Variants in CAMTA1 observed in about 807,000 individuals in gnomAD.
The protein encoded by CAMTA1 is calmodulin binding transcription activator 1, also known as calmodulin-binding transcription activator 1.
A neutral mutation model predicts 170.9 loss-of-function variants in CAMTA1; 27 were observed. That is an observed-to-expected ratio of 0.16 (90% CI 0.12 to 0.22). CAMTA1 has a LOEUF of 0.22. CAMTA1 is among the 10% of genes least tolerant of loss of function. The pLI, the probability that CAMTA1 is intolerant of heterozygous loss-of-function variation, is 1.00. For synonymous variants in CAMTA1, 833 were observed against 891.5 expected (o/e 0.93, Z 1.17); for missense variants, 1,619 against 2,217.2 (o/e 0.73, Z 5.42).
At chr1:6,844,023 A>C (rs1261381290) in intron 3 of CAMTA1, among the ~76,000 whole-genome samples, 1 of 152,114 alleles carries the variant, frequency 6.6e-6, no homozygotes, top group African/African-American at 2.4e-5. Flanking sequence ...CAGCAGTTCT[A>C]CTCCTTATGT....
intron 3 of CAMTA1, among the ~76,000 whole-genome samples, chr1:6,848,094 A>G (rs1032468426): frequency 6.6e-6 from 1 of 151,952 alleles, no homozygotes; most frequent in Non-Finnish European, 1.5e-5. Context: ...TGATCCACCC[A>G]CCTCACCAGT....
chr1:6,981,428 AT>A (rs1218260355), intron 3 of CAMTA1, among the ~76,000 whole-genome samples: 1 of 152,000 alleles, frequency 6.6e-6, no homozygotes, highest in Non-Finnish European at 1.5e-5. Flanking sequence ...TCTAATTCTC[AT>A]TATTATTTTA....
intron 5 of CAMTA1, among the ~76,000 whole-genome samples, chr1:7,413,346 C>G (rs1005432419): frequency 3.9e-5 from 6 of 152,088 alleles, no homozygotes; most frequent in African/African-American, 2.4e-5. Context: ...TTACCTTGGG[C>G]AGTATGGCCA....
intron 11 of CAMTA1, among the ~76,000 whole-genome samples, chr1:7,721,643 TA>T (rs1206779390): frequency 6.6e-6 from 1 of 152,196 alleles, no homozygotes; most frequent in Non-Finnish European, 1.5e-5. Context: ...GGATGGTTGG[TA>T]AAGAACAGTC....
chr1:6,929,360 G>T (rs202196552), intron 3 of CAMTA1, among the ~76,000 whole-genome samples: 2,387 of 142,614 alleles, frequency 0.017, 32 homozygotes, highest in African/African-American at 0.044. Flanking sequence ...TTTTTTTTTT[G>T]TTTGTTTGTT....
At position 7,492,240 on chromosome 1, in the gene CAMTA1, G is replaced by A. The variant is rs74334748; in HGVS notation, c.510+24339G>A. 2.6e-3 allele frequency among the ~76,000 whole-genome samples: 394 copies of A among 152,300 alleles called. 1 individual carries two copies. Among genetic ancestry groups the A allele is most frequent in the African/African-American group, 9.0e-3 (373 of 41,570 alleles). ...TACACTCAGCTTATAGAGTGAAGTCGGCAGAAAGCACAACTTCTCAGTGAA... is the reference window on the plus strand; with the variant it reads ...TACACTCAGCTTATAGAGTGAAGTCAGCAGAAAGCACAACTTCTCAGTGAA... On this transcript the variant is annotated intron_variant, in intron 6 of 22. Coordinates refer to ENST00000303635, the MANE Select transcript of CAMTA1 (RefSeq NM_015215.4).
At chr1:6,956,142 C>T (rs1209731839) in intron 3 of CAMTA1, among the ~76,000 whole-genome samples, 9 of 152,180 alleles carry the variant, frequency 5.9e-5, no homozygotes, top group East Asian at 3.9e-4. Context: ...ATTCTGGCCC[C>T]GGCAGCTCTC....
chr1:7,326,559 A>G (rs979882129), intron 5 of CAMTA1, among the ~76,000 whole-genome samples: 2 of 152,238 alleles, frequency 1.3e-5, no homozygotes, highest in Non-Finnish European at 2.9e-5. Flanking sequence ...ATTTGGACAC[A>G]GATACACAGA....
intron 4 of CAMTA1, among the ~76,000 whole-genome samples, chr1:7,174,387 G>A (rs1019694547): frequency 6.6e-6 from 1 of 152,216 alleles, no homozygotes; most frequent in South Asian, 2.1e-4. Context: ...CAATGGAATT[G>A]TAATCAAATT....
Position 7,665,626 on chromosome 1 carries a change from G to A in CAMTA1, c.2652+427G>A, listed in dbSNP as rs1361541524. Among the ~76,000 whole-genome samples the A allele has an allele frequency of 6.6e-6, 1 of 152,084 alleles. No individual in the cohort carries two copies. Among genetic ancestry groups the A allele is most frequent in the Non-Finnish European group, 1.5e-5 (1 of 68,020 alleles). Reference sequence around the variant, plus strand: ...GCTATTCTGGAGGCTGAGTCCGGAGGAGCACTTGAGCCCAAGAGGTTGAGG... The same window carrying A: ...GCTATTCTGGAGGCTGAGTCCGGAGAAGCACTTGAGCCCAAGAGGTTGAGG... On this transcript the variant is annotated intron_variant, in intron 9 of 22. Transcript: ENST00000303635. The surrounding 1 kb of genome is among the most constrained non-coding windows in gnomAD (Gnocchi z 4.3).
At chr1:7,471,787 T>C (rs557884861) in intron 6 of CAMTA1, among the ~76,000 whole-genome samples, 1 of 152,328 alleles carries the variant, frequency 6.6e-6, no homozygotes, top group Non-Finnish European at 1.5e-5. Context: ...TTTGGGATTT[T>C]CTGATGGTTT....
At chr1:7,629,011 T>C (rs1426437727) in intron 6 of CAMTA1, among the ~76,000 whole-genome samples, 1 of 152,222 alleles carries the variant, frequency 6.6e-6, no homozygotes, top group African/African-American at 2.4e-5. Context: ...ACCTTTGCCC[T>C]ACAGGAGTTC....
At chr1:7,683,255 T>C (rs1365214053) in intron 11 of CAMTA1, among the ~76,000 whole-genome samples, 1 of 151,162 alleles carries the variant, frequency 6.6e-6, no homozygotes, top group African/African-American at 2.4e-5. Context: ...TCCCAGATAA[T>C]GGAAGACAGA....
chr1:7,291,409 A>G (rs1015582705), intron 5 of CAMTA1, among the ~76,000 whole-genome samples: 1 of 152,184 alleles, frequency 6.6e-6, no homozygotes, highest in African/African-American at 2.4e-5. Flanking sequence ...GTCATCTGAA[A>G]TGGAATTTCA....
In CAMTA1 at chr1:7,565,157, C is replaced by T. The variant is rs1188275454; in HGVS notation, c.511-75243C>T. Among the ~76,000 whole-genome samples the T allele has an allele frequency of 1.3e-5, 2 of 152,030 alleles. No individual in the cohort carries two copies. Among genetic ancestry groups the T allele is most frequent in the South Asian group, 2.1e-4 (1 of 4,816 alleles). On this transcript the variant is annotated intron_variant, in intron 6 of 22. Coordinates refer to ENST00000303635, the MANE Select transcript of CAMTA1 (RefSeq NM_015215.4). This position sits in a 1 kb window ranked among gnomAD's most constrained non-coding sequence, Gnocchi z 4.5. ...TGCTACCTGGATATACCCCTCACAC[C>T]CCCACCCTCCACTTGCCAGCCGATC...
chr1:7,672,307 G>A (rs188717531), intron 10 of CAMTA1, among the ~76,000 whole-genome samples: 95 of 152,240 alleles, frequency 6.2e-4, no homozygotes, highest in South Asian at 1.5e-3. Flanking sequence ...CCTGAGCCTT[G>A]GCTGCCCCAG....
rs930123231 is a variant in CAMTA1 at position 7,588,718 on chromosome 1, G to T, written c.511-51682G>T. 6.6e-6 allele frequency among the ~76,000 whole-genome samples: 1 copy of T among 152,194 alleles called. No individual in the cohort carries two copies. The highest frequency in any genetic ancestry group is 2.4e-5 in the African/African-American group (1 of 41,468). On this transcript the variant is annotated intron_variant, in intron 6 of 22. Transcript: ENST00000303635. This position sits in a 1 kb window ranked among gnomAD's most constrained non-coding sequence, Gnocchi z 5.8. ...CCAGATGGACCTCTGCTCTCTGCCA[G>T]TGAGGTACCTGCCCCTGGAGCGGGA...
At chr1:7,458,404 G>A (rs552516382) in intron 5 of CAMTA1, among the ~76,000 whole-genome samples, 1 of 152,268 alleles carries the variant, frequency 6.6e-6, no homozygotes, top group South Asian at 2.1e-4. Context: ...CAGGAGGGTG[G>A]TGAGGTCCCT....
At chr1:7,734,807 T>C (rs1247702630) in intron 12 of CAMTA1, among the ~76,000 whole-genome samples, 6 of 152,164 alleles carry the variant, frequency 3.9e-5, no homozygotes, top group Non-Finnish European at 8.8e-5. Flanking sequence ...AGTATTTCTG[T>C]AGTAAGTAAA....
Sources: gnomAD v4.1 joint callset for allele counts (sites outside exome capture counted in the v4.1 genomes callset) on GRCh38, gnomAD v4.1.1 for gene constraint, Gnocchi (gnomAD v3.1) non-coding constraint, MANE v1.5 for transcripts, NCBI Gene and HGNC (gene_info 2026-07-23, HGNC 2026-07-21) for gene names.